The following UBE2L6 variants were observed in gnomAD, a reference collection of about 807,000 sequenced individuals.
UBE2L6 encodes the protein ubiquitin conjugating enzyme E2 L6, also known as ubiquitin/ISG15-conjugating enzyme E2 L6.
Under a neutral mutation model 13.6 loss-of-function variants are expected in UBE2L6, and 11 were observed. That is an observed-to-expected ratio of 0.81 (90% confidence interval 0.51 to 1.34). The LOEUF (loss-of-function observed/expected upper bound fraction) is 1.34. UBE2L6 is among the 40% of genes most tolerant of loss of function. The pLI, the probability that UBE2L6 is intolerant of heterozygous loss-of-function variation, is 0.00. For missense variants in UBE2L6, 197 were observed against 199.5 expected (o/e 0.99, Z 0.07); for synonymous variants, 74 against 83.2 (o/e 0.89, Z 0.60).
chr11:57,560,899 C>T (rs1317968246), intron 1 of UBE2L6, among the ~76,000 whole-genome samples: 5 of 152,110 alleles, frequency 3.3e-5, no homozygotes, highest in Admixed American at 2.6e-4. Context: ...GGATTACAGA[C>T]GTGAGCTACC....
intron 1 of UBE2L6, among the ~76,000 whole-genome samples, chr11:57,565,870 A>G (rs918484308): frequency 6.6e-6 from 1 of 152,154 alleles, no homozygotes; most frequent in Non-Finnish European, 1.5e-5. Flanking sequence ...CCAGTCCACA[A>G]GTGGGGAGGG....
chr11:57,566,943 G>GCCCCCCCCCCCCC, intron 1 of UBE2L6: 1 of 75,880 alleles, frequency 1.3e-5, no homozygotes, highest in Non-Finnish European at 2.7e-5. Flanking sequence ...GTTCATCTCT[G>GCCCCCCCCCCCCC]CCCGCCCCCC....
Position 57,561,433 on chromosome 11 carries a change from T to C in UBE2L6, c.28-1001A>G, listed in dbSNP as rs73478667. Among the ~76,000 whole-genome samples, 1,050 of 152,204 alleles carry C rather than the reference T, an allele frequency of 6.9e-3. 13 individuals carry two copies. Among genetic ancestry groups the C allele is most frequent in the African/African-American group, 0.024 (998 of 41,526 alleles). On this transcript the variant is annotated intron_variant, in intron 1 of 3. Transcript: ENST00000287156. The stretch of plus-strand genomic sequence containing the variant: ...GTCCTCAAGAATTTCAATAGAGTAA[T>C]GGACGAAACATGGATGTGATTATGT...
Position 57,552,411 on chromosome 11 carries a change from T to C in UBE2L6, c.409A>G (p.Arg137Gly), listed in dbSNP as rs1477054449. The C allele has an allele frequency of 6.2e-7, 1 of 1,614,102 alleles. No individual in the cohort carries two copies. The highest frequency in any genetic ancestry group is 8.5e-7 in the Non-Finnish European group (1 of 1,180,052). The change falls in exon 4 of 4, where the codon AGA (arginine) becomes GGA (glycine). Residue 137 changes from arginine (R) to glycine (G), a missense_variant. Coordinates refer to ENST00000287156, the MANE Select transcript of UBE2L6 (RefSeq NM_004223.5). ...AGGGTGAACTCTTCGGCATTCTTTC[T>C]GAACAGCTCCGGATTCTGTGTCAGC... ...DLLTQNPELF[R>G]KNAEEFTLRF...
Position 57,554,511 on chromosome 11 carries a change from A to G in UBE2L6, c.236T>C (p.Val79Ala), listed in dbSNP as rs761677269. The G allele has an allele frequency of 3.0e-5, 49 of 1,613,982 alleles. No homozygotes were observed. Among genetic ancestry groups the G allele is most frequent in the Non-Finnish European group, 4.1e-5 (48 of 1,180,018 alleles). ...KFTTKIYHPN[V>A]DENGQICLPI... ...CAGGCAAATCTGTCCGTTCTCGTCCACGTTGGGGTGGTAGATCTTGGTTGT... is the reference window on the plus strand; with the variant it reads ...CAGGCAAATCTGTCCGTTCTCGTCCGCGTTGGGGTGGTAGATCTTGGTTGT... The change falls in exon 3 of 4, where the codon GTG becomes GCG. Residue 79 changes from valine (V) to alanine (A), a missense_variant. Transcript: ENST00000287156.
intron 2 of UBE2L6, among the ~76,000 whole-genome samples, chr11:57,555,672 G>T (rs1039221145): frequency 2.0e-5 from 3 of 152,108 alleles, no homozygotes; most frequent in African/African-American, 7.2e-5. Flanking sequence ...AAACTTCTGG[G>T]CTCAAGTGAT....
chr11:57,557,368 T>A (rs1304672321), intron 2 of UBE2L6, among the ~76,000 whole-genome samples: 1 of 150,622 alleles, frequency 6.6e-6, no homozygotes, highest in African/African-American at 2.4e-5. Context: ...TGAGGCCTCA[T>A]CAGAAGGAGA....
At chr11:57,567,731 C>A, upstream of UBE2L6, 2 of 1,297,678 alleles carry the variant, frequency 1.5e-6, no homozygotes, top group Non-Finnish European at 2.1e-6. Context: ...ACCCCTCCTC[C>A]AGCCGTCGCT....
intron 2 of UBE2L6, among the ~76,000 whole-genome samples, chr11:57,557,087 GAAAA>G: frequency 6.7e-6 from 1 of 149,558 alleles, no homozygotes. Flanking sequence ...AAAAAGGAAA[GAAAA>G]GAAAAGAATT....
intron 2 of UBE2L6, among the ~76,000 whole-genome samples, chr11:57,557,463 C>T (rs996327160): frequency 9.6e-5 from 14 of 146,318 alleles, no homozygotes; most frequent in East Asian, 2.1e-4. Flanking sequence ...GGCGTGATCT[C>T]GGCTCACCGC....
chr11:57,567,548 G>GGA, intron 1 of UBE2L6, 37 bp downstream of exon 1: 1 of 1,602,404 alleles, frequency 6.2e-7, no homozygotes, highest in Non-Finnish European at 8.5e-7. Flanking sequence ...GGAGGCGAGG[G>GGA]GAGCCAAGAG....
intron 1 of UBE2L6, among the ~76,000 whole-genome samples, chr11:57,562,039 T>C (rs749938423): frequency 1.3e-5 from 2 of 152,230 alleles, no homozygotes; most frequent in Non-Finnish European, 2.9e-5. Context: ...CCAGAGATGC[T>C]GATAAACATC....
intron 1 of UBE2L6, chr11:57,567,058 C>T (rs1175014742): frequency 4.4e-6 from 2 of 455,296 alleles, no homozygotes; most frequent in Non-Finnish European, 8.8e-6. Flanking sequence ...ACCTCCGCAT[C>T]TTTTCCTCCA....
chr11:57,562,046 C>T (rs1001279900), intron 1 of UBE2L6, among the ~76,000 whole-genome samples: 1 of 152,248 alleles, frequency 6.6e-6, no homozygotes, highest in Non-Finnish European at 1.5e-5. Flanking sequence ...TGCTGATAAA[C>T]ATCCTAACAA....
intron 2 of UBE2L6, 150 bp from the exon 3 acceptor site, chr11:57,554,773 A>G (rs957439859): frequency 1.2e-6 from 1 of 859,770 alleles, no homozygotes; most frequent in Admixed American, 2.9e-5. Flanking sequence ...CAATTGAGTC[A>G]TGGATTAGTG....
chr11:57,553,831 A>C (rs1293973373), intron 3 of UBE2L6, among the ~76,000 whole-genome samples: 2 of 152,240 alleles, frequency 1.3e-5, no homozygotes, highest in African/African-American at 4.8e-5. Flanking sequence ...GTCTTAAAAA[A>C]GAAAAAGAAT....
At chr11:57,567,682 C>T (rs964166149), upstream of UBE2L6, 16 of 1,530,082 alleles carry the variant, frequency 1.0e-5, no homozygotes, top group Admixed American at 2.6e-4. Context: ...CAGCGCGCCC[C>T]GCCCCGCCCC....
chr11:57,560,403 G>A lies in UBE2L6; in HGVS notation c.57C>T (p.Pro19=). Residue 19 remains proline, a synonymous_variant, in exon 2 of 4, where the codon CCC becomes CCT. Coordinates refer to ENST00000287156, the MANE Select transcript of UBE2L6 (RefSeq NM_004223.5). ...KELEDLQKKP[P]PYLRNLSSDD... ...CGCTGGACAGGTTCCGCAGGTATGGGGGAGGCTTCTTCTGAAGATCCTCCA... is the reference window on the plus strand; with the variant it reads ...CGCTGGACAGGTTCCGCAGGTATGGAGGAGGCTTCTTCTGAAGATCCTCCA... The A allele has an allele frequency of 1.2e-6, 2 of 1,613,758 alleles. No individual in the cohort carries two copies. Among genetic ancestry groups the A allele is most frequent in the Admixed American group, 1.7e-5 (1 of 60,004 alleles).
At chr11:57,559,461 A>C (rs1236983893) in intron 2 of UBE2L6, among the ~76,000 whole-genome samples, 1 of 152,142 alleles carries the variant, frequency 6.6e-6, no homozygotes, top group East Asian at 1.9e-4. Flanking sequence ...AAACACAAAA[A>C]TTAGCCAGGC....
Sources: allele counts gnomAD v4.1 joint callset (sites outside exome capture counted in the v4.1 genomes callset), GRCh38; gene constraint gnomAD v4.1.1; transcripts MANE v1.5; gene names NCBI Gene and HGNC (gene_info 2026-07-23, HGNC 2026-07-21).